Variants in ENTREP2 observed in about 807,000 individuals in gnomAD.
ENTREP2 encodes the protein protein ENTREP2.
At chr15:29,123,415 A>G in the ENTREP2 span, 10 of 1,551,276 alleles carry the variant, frequency 6.4e-6, no homozygotes, top group Non-Finnish European at 8.7e-6. Flanking sequence ...AGCCAAGCGC[A>G]TGGCACCCAC....
At chr15:29,447,271 GAGAAA>G in the ENTREP2 span, among the ~76,000 whole-genome samples, 23 of 152,166 alleles carry the variant, frequency 1.5e-4, 1 homozygote, top group Admixed American at 1.5e-3. Flanking sequence ...GATTTCCATG[GAGAAA>G]AGAAGTCATT....
the ENTREP2 span, among the ~76,000 whole-genome samples, chr15:29,668,556 G>C: frequency 5.3e-5 from 8 of 152,236 alleles, no homozygotes; most frequent in African/African-American, 1.9e-4. Context: ...GGTATATATC[G>C]ATACAAGAGA....
chr15:29,612,371 A>C, the ENTREP2 span, among the ~76,000 whole-genome samples: 3 of 151,914 alleles, frequency 2.0e-5, no homozygotes, highest in African/African-American at 7.3e-5. Flanking sequence ...TGACGGCGTG[A>C]GTTTGGTTCT....
At chr15:29,227,774 G>C in the ENTREP2 span, among the ~76,000 whole-genome samples, 1 of 152,196 alleles carries the variant, frequency 6.6e-6, no homozygotes, top group Admixed American at 6.5e-5. Flanking sequence ...GCAGTGGTAA[G>C]AGTTGAATTC....
the ENTREP2 span, among the ~76,000 whole-genome samples, chr15:29,201,703 A>G: frequency 6.6e-6 from 1 of 152,190 alleles, no homozygotes. Context: ...TTTTGTATCT[A>G]TATTACATTA....
At chr15:29,521,940 T>C in the ENTREP2 span, among the ~76,000 whole-genome samples, 3,283 of 152,158 alleles carry the variant, frequency 0.022, 60 homozygotes, top group Non-Finnish European at 0.034. Flanking sequence ...AGTAGACCAA[T>C]ACAGTATAAT....
the ENTREP2 span, among the ~76,000 whole-genome samples, chr15:29,636,030 A>G: frequency 6.6e-6 from 1 of 152,154 alleles, no homozygotes; most frequent in Non-Finnish European, 1.5e-5. Context: ...GGAGCCAGAG[A>G]TACAGACACA....
chr15:29,339,368 TGG>T, the ENTREP2 span, among the ~76,000 whole-genome samples: 1 of 152,120 alleles, frequency 6.6e-6, no homozygotes, highest in East Asian at 1.9e-4. Context: ...GGGGTGGAGA[TGG>T]AACAGGTAAC....
the ENTREP2 span, among the ~76,000 whole-genome samples, chr15:29,303,335 A>T: frequency 1.3e-5 from 2 of 152,240 alleles, no homozygotes; most frequent in Admixed American, 6.5e-5. Flanking sequence ...TAGTTGATGT[A>T]GTCAGCTGCA....
At chr15:29,214,495 A>G in the ENTREP2 span, among the ~76,000 whole-genome samples, 1 of 152,172 alleles carries the variant, frequency 6.6e-6, no homozygotes. Flanking sequence ...CAATGAGAAC[A>G]CTTGGACACA....
the ENTREP2 span, chr15:29,570,595 TCCGAGCGCCATCTGCGTGGCC>T: frequency 1.4e-6 from 2 of 1,463,334 alleles, no homozygotes; most frequent in Non-Finnish European, 1.8e-6. Context: ...CGATGAGGCA[TCCGAGCGCCATCTGCGTGGCC>T]CCGAGCGCCA....
chr15:29,381,719 G>A, the ENTREP2 span: 21 of 1,430,906 alleles, frequency 1.5e-5, no homozygotes, highest in Admixed American at 2.0e-5. Context: ...ACCTGCTCAC[G>A]CATCTGAAGG....
At chr15:29,140,569 A>C in the ENTREP2 span, among the ~76,000 whole-genome samples, 1 of 151,962 alleles carries the variant, frequency 6.6e-6, no homozygotes, top group Non-Finnish European at 1.5e-5. Context: ...CTTTGAACAA[A>C]CCAGCTCTAA....
At chr15:29,328,256 C>T in the ENTREP2 span, among the ~76,000 whole-genome samples, 6 of 152,212 alleles carry the variant, frequency 3.9e-5, no homozygotes, top group Non-Finnish European at 8.8e-5. Context: ...GTGAAAAGAT[C>T]AGTAAGAGTT....
chr15:29,565,686 G>A, the ENTREP2 span, among the ~76,000 whole-genome samples: 38 of 152,226 alleles, frequency 2.5e-4, 1 homozygote, highest in African/African-American at 7.7e-4. Flanking sequence ...TTTTCCGGCC[G>A]GGTGCGGTGG....
At chr15:29,637,201 G>T in the ENTREP2 span, among the ~76,000 whole-genome samples, 1 of 152,172 alleles carries the variant, frequency 6.6e-6, no homozygotes, top group Non-Finnish European at 1.5e-5. Context: ...CCTTGAGAAA[G>T]CCAGCCCCTG....
chr15:29,375,012 T>C, the ENTREP2 span: 4 of 152,228 alleles, frequency 2.6e-5, no homozygotes, highest in Admixed American at 1.3e-4. Flanking sequence ...TGATAGACAT[T>C]AGGAATGTTA....
chr15:29,417,104 A>G, the ENTREP2 span, among the ~76,000 whole-genome samples: 6 of 152,244 alleles, frequency 3.9e-5, no homozygotes, highest in Non-Finnish European at 8.8e-5. Flanking sequence ...TCAGGGATCT[A>G]GAACTAGAAA....
chr15:29,643,045 G>A, the ENTREP2 span, among the ~76,000 whole-genome samples: 1,138 of 152,210 alleles, frequency 7.5e-3, 14 homozygotes, highest in African/African-American at 0.026. Flanking sequence ...CTAAACGTAA[G>A]AGCTAAAACT....
Sources: gnomAD v4.1 joint callset for allele counts (sites outside exome capture counted in the v4.1 genomes callset) on GRCh38, gnomAD v4.1.1 for gene constraint, MANE v1.5 for transcripts, NCBI Gene and HGNC (gene_info 2026-07-23, HGNC 2026-07-21) for gene names.